Variants in RRP12 observed in about 807,000 individuals in gnomAD.
The protein encoded by RRP12 is ribosomal RNA processing 12 homolog, also known as RRP12-like protein.
In RRP12, 78 loss-of-function variants were observed where a neutral mutation model predicts 157.3. The observed-to-expected ratio is 0.50, with a 90% CI of 0.41 to 0.60. The LOEUF is 0.60. Among genes scored for constraint, RRP12 ranks in the 20% least tolerant of loss-of-function variants. RRP12 has a pLI of 0.00. For missense variants in RRP12, 1,521 were observed against 1,679.9 expected (o/e 0.91, Z 1.65); for synonymous variants, 726 against 670.9 (o/e 1.08, Z -1.27).
In RRP12 at chr10:97,395,223, CAT is replaced by C. The variant is rs1027164174; in HGVS notation, c.453+993_453+994del. Reference sequence around the variant, plus strand: ...ATACACATATACACACACACACACACATACATACATACACAAATATATTTATT... The same window carrying C: ...ATACACATATACACACACACACACACACATACATACACAAATATATTTATT... On this transcript the variant is annotated intron_variant, in intron 3 of 33. Coordinates refer to ENST00000370992, the MANE Select transcript of RRP12 (RefSeq NM_015179.4). Among the ~76,000 whole-genome samples the C allele has an allele frequency of 3.0e-4, 46 of 151,984 alleles. No homozygotes were observed. The South Asian group carries it at 6.2e-3, about 21-fold the overall frequency.
At chr10:97,371,478 C>T (rs1001403109) in intron 20 of RRP12, 3 of 227,302 alleles carry the variant, frequency 1.3e-5, no homozygotes, top group Non-Finnish European at 1.8e-5. Context: ...CCCCCAACGC[C>T]GGACACCTTT....
At chr10:97,388,091 G>T in intron 8 of RRP12, 161 bp downstream of exon 8, 1 of 846,474 alleles carries the variant, frequency 1.2e-6, no homozygotes, top group Non-Finnish European at 1.8e-6. Flanking sequence ...GATATGGCCT[G>T]GCCTAGCCAA....
At chr10:97,390,200 GA>G (rs1844762293) in intron 6 of RRP12, among the ~76,000 whole-genome samples, 1 of 152,208 alleles carries the variant, frequency 6.6e-6, no homozygotes. Flanking sequence ...AATGGCTGAT[GA>G]GGCACCAGAG....
At chr10:97,375,692 C>T (rs1380797373) in intron 15 of RRP12, among the ~76,000 whole-genome samples, 1 of 152,068 alleles carries the variant, frequency 6.6e-6, no homozygotes, top group African/African-American at 2.4e-5. Flanking sequence ...CTTTGATGGG[C>T]ATATATTTCT....
At chr10:97,377,362 C>T (rs1326468319) in intron 15 of RRP12, among the ~76,000 whole-genome samples, 1 of 151,224 alleles carries the variant, frequency 6.6e-6, no homozygotes, top group Non-Finnish European at 1.5e-5. Flanking sequence ...ACTAAAAATA[C>T]AAGAAATTTT....
rs1454978708 is a variant in RRP12, at chr10:97,361,297, G to C, written c.3568-679C>G. On this transcript the variant is annotated intron_variant, in intron 30 of 33. Transcript: ENST00000370992. ...ACTGTGTTAGGCAGTCCAAGGGAAG[G>C]AGGGAGAGCCCGACAGCGGCCCCAG... Among the ~76,000 whole-genome samples the C allele has an allele frequency of 2.6e-5, 4 of 152,356 alleles. 1 individual carries two copies. Among genetic ancestry groups the C allele is most frequent in the Middle Eastern group, 6.8e-3 (2 of 294 alleles).
intron 30 of RRP12, 112 bp downstream of exon 30, chr10:97,363,742 G>A (rs998524788): frequency 2.5e-5 from 25 of 986,206 alleles, no homozygotes; most frequent in Non-Finnish European, 3.6e-5. Flanking sequence ...AGGATGCACC[G>A]AGCATTCCAG....
At position 97,373,716 on chromosome 10, in the gene RRP12, AC is replaced by A. The variant is rs1564755446; in HGVS notation, c.1884del (p.Phe629SerfsTer29). ...LQWQMWTLLP[G>X]FCTRPTDVAI... ...GCCACATCTGTAGGCCTTGTGCAGA[AC>A]CCAGGCAGGAGTGTCCACATCTGGA... On this transcript the variant is annotated frameshift_variant, in exon 17 of 34. Transcript: ENST00000370992. LOFTEE classifies it high-confidence loss of function. 1 of 1,613,416 alleles carries A rather than the reference AC, an allele frequency of 6.2e-7. No homozygotes were observed. The highest frequency in any genetic ancestry group is 8.5e-7 in the Non-Finnish European group (1 of 1,179,482).
intron 30 of RRP12, among the ~76,000 whole-genome samples, chr10:97,361,621 G>A (rs544586694): frequency 1.3e-5 from 2 of 152,342 alleles, no homozygotes; most frequent in South Asian, 4.1e-4. Context: ...TCCACTGGCC[G>A]AAGCCCAGCT....
rs747717352 is a variant in RRP12 at position 97,366,501 on chromosome 10, G to A, written c.3336C>T (p.Gly1112=). 34 of 1,613,726 alleles carry A rather than the reference G, an allele frequency of 2.1e-5. No individual in the cohort carries two copies. Among genetic ancestry groups the A allele is most frequent in the East Asian group, 6.7e-5 (3 of 44,882 alleles). The part of the protein sequence containing the change: ...RQRSRAWLKE[G]GGDEPLNFLD... ...GGAAGTTGAGGGGCTCGTCCCCACC[G>A]CCCTCTTTCAGCCATGCCCGGCTCC... The change falls in exon 28 of 34, where the codon GGC becomes GGT. Residue 1112 remains glycine, a synonymous_variant. Coordinates refer to ENST00000370992, the MANE Select transcript of RRP12 (RefSeq NM_015179.4).
At chr10:97,397,070 T>C (rs1199903509) in intron 2 of RRP12, among the ~76,000 whole-genome samples, 1 of 151,982 alleles carries the variant, frequency 6.6e-6, no homozygotes, top group African/African-American at 2.4e-5. Flanking sequence ...TGGCCTCCCA[T>C]ATACTTTAAA....
chr10:97,361,062 C>G (rs1843830159), intron 30 of RRP12, among the ~76,000 whole-genome samples: 1 of 152,224 alleles, frequency 6.6e-6, no homozygotes, highest in Admixed American at 6.5e-5. Context: ...TGATCCCCTA[C>G]TAAGTGCCAG....
chr10:97,357,164 C>T lies in RRP12; in HGVS notation c.3824G>A (p.Gly1275Asp). The T allele has an allele frequency of 1.9e-6, 3 of 1,612,908 alleles. No individual in the cohort carries two copies. The South Asian group carries it at 3.3e-5, about 18-fold the overall frequency. ...KKMKLQGQFK[G>D]LVKAARRGSQ... ...ACCTCGCCGGGCAGCCTTCACCAGG[C>T]CTTTGAACTGTCCCTGCAGCTTCAT... The change falls in exon 34 of 34, where the codon GGC becomes GAC. Residue 1275 changes from glycine (G) to aspartate (D), a missense_variant. By Grantham distance (94) the Gly-to-Asp change is moderately conservative. Coordinates refer to ENST00000370992, the MANE Select transcript of RRP12 (RefSeq NM_015179.4).
rs552744440 is a variant in RRP12, at chr10:97,400,469, A to C, written c.205T>G (p.Leu69Val). 1 of 1,614,118 alleles carries C rather than the reference A, an allele frequency of 6.2e-7. No individual in the cohort carries two copies. Among genetic ancestry groups the C allele is most frequent in the African/African-American group, 1.3e-5 (1 of 75,042 alleles). Reference sequence around the variant, plus strand: ...GTCTCCGGGGCTTCGCTTTTGCCCAAGCGCAAGGACCCTGACTGCAGCTCA... The same window carrying C: ...GTCTCCGGGGCTTCGCTTTTGCCCACGCGCAAGGACCCTGACTGCAGCTCA... The part of the protein sequence containing the change: ...HNELQSGSLR[L>V]GKSEAPETPM... Residue 69 changes from leucine to valine, a missense_variant, in exon 2 of 34, where the codon TTG (leucine) becomes GTG (valine). Coordinates refer to ENST00000370992, the MANE Select transcript of RRP12 (RefSeq NM_015179.4).
At chr10:97,396,115 G>A in intron 3 of RRP12, 103 bp downstream of exon 3, 1 of 821,444 alleles carries the variant, frequency 1.2e-6, no homozygotes, top group Non-Finnish European at 2.1e-6. Context: ...ACCTGGTCAA[G>A]GTTGTCCTTC....
Position 97,366,611 on chromosome 10 carries a change from T to C in RRP12, c.3226A>G (p.Ile1076Val). The change falls in exon 28 of 34, where the codon ATT becomes GTT. Residue 1076 changes from isoleucine (I) to valine (V), a missense_variant. By Grantham distance (29) the Ile-to-Val change is conservative. Transcript: ENST00000370992. ...TCCTCGTCCTCTGAGTCAGCTAAAATCTCCTCAATGCTAAGGACAAAAAGC... is the reference window on the plus strand; with the variant it reads ...TCCTCGTCCTCTGAGTCAGCTAAAACCTCCTCAATGCTAAGGACAAAAAGC... ...AQGKGDSIEE[I>V]LADSEDEEDN... 6.2e-7 allele frequency: 1 copy of C among 1,612,904 alleles called. No individual in the cohort carries two copies.
intron 30 of RRP12, among the ~76,000 whole-genome samples, chr10:97,361,728 G>A (rs149007215): frequency 2.5e-4 from 38 of 152,272 alleles, no homozygotes; most frequent in Admixed American, 1.6e-3. Flanking sequence ...TTCAGCTGGT[G>A]CTTGGCCAAC....
Position 97,373,154 on chromosome 10 carries a change from C to T in RRP12, c.2073G>A (p.Pro691=), listed in dbSNP as rs749300280. Reference sequence around the variant, plus strand: ...GCTGCCCATACAGGTTGAAGAGGATCGGCAGAAAGTTCTTGGCAAAGCGAC... The same window carrying T: ...GCTGCCCATACAGGTTGAAGAGGATTGGCAGAAAGTTCTTGGCAAAGCGAC... ...EVSRFAKNFL[P]ILFNLYGQPV... The change falls in exon 18 of 34, where the codon CCG becomes CCA. Residue 691 remains proline (P), a synonymous_variant. Coordinates refer to ENST00000370992, the MANE Select transcript of RRP12 (RefSeq NM_015179.4). 58 of 1,614,168 alleles carry T rather than the reference C, an allele frequency of 3.6e-5. No individual in the cohort carries two copies. The highest frequency in any genetic ancestry group is 4.4e-5 in the Non-Finnish European group (52 of 1,180,034).
At chr10:97,365,423 G>A (rs1055285376) in intron 29 of RRP12, among the ~76,000 whole-genome samples, 1 of 151,978 alleles carries the variant, frequency 6.6e-6, no homozygotes, top group Non-Finnish European at 1.5e-5. Context: ...ACAGGCGCCC[G>A]CGACCACGCC....
Sources: gnomAD v4.1 joint callset for allele counts (sites outside exome capture counted in the v4.1 genomes callset) on GRCh38, gnomAD v4.1.1 for gene constraint, MANE v1.5 for transcripts, NCBI Gene and HGNC (gene_info 2026-07-23, HGNC 2026-07-21) for gene names.